Variants in MACROD2 observed in about 807,000 individuals in gnomAD.
MACROD2 encodes mono-ADP ribosylhydrolase 2.
A neutral mutation model predicts 70.4 loss-of-function variants in MACROD2; 36 were observed. The observed-to-expected ratio is 0.51, with a 90% CI of 0.39 to 0.68. The LOEUF (loss-of-function observed/expected upper bound fraction) is 0.68, where lower values mean the gene tolerates loss of function less well. Among genes scored for constraint, MACROD2 ranks in the 30% least tolerant of loss-of-function variants. MACROD2 has a pLI of 0.00. For synonymous variants in MACROD2, 172 were observed against 178.8 expected, an observed-to-expected ratio of 0.96 and a Z score of 0.30; for missense variants, 496 against 538.4, an observed-to-expected ratio of 0.92 and a Z score of 0.78.
chr20:15,586,087 A>C (rs2146657302), intron 8 of MACROD2, among the ~76,000 whole-genome samples: 1 of 152,328 alleles, frequency 6.6e-6, no homozygotes, highest in East Asian at 1.9e-4. Flanking sequence ...AATGTCAGTT[A>C]TGGCTTTTCC....
intron 8 of MACROD2, among the ~76,000 whole-genome samples, chr20:15,662,262 T>C (rs2146818486): frequency 6.6e-6 from 1 of 152,344 alleles, no homozygotes; most frequent in East Asian, 1.9e-4. Flanking sequence ...TTATTCAAGA[T>C]CTACTGTATC....
intron 5 of MACROD2, among the ~76,000 whole-genome samples, chr20:14,692,802 A>G (rs2071079265): frequency 6.6e-6 from 1 of 152,224 alleles, no homozygotes; most frequent in Non-Finnish European, 1.5e-5. Context: ...CACATGCCAC[A>G]TGTCTGTTCT....
At chr20:15,437,092 C>T (rs575469597) in intron 7 of MACROD2, among the ~76,000 whole-genome samples, 1 of 152,238 alleles carries the variant, frequency 6.6e-6, no homozygotes, top group Non-Finnish European at 1.5e-5. Context: ...AATTGGTGTG[C>T]TAAGGATGTA....
intron 8 of MACROD2, among the ~76,000 whole-genome samples, chr20:15,549,405 A>G (rs907267244): frequency 6.6e-5 from 10 of 152,238 alleles, no homozygotes; most frequent in African/African-American, 1.9e-4. Context: ...CTAAGCTGCA[A>G]GAGTTTGGAG....
At chr20:14,787,671 G>A (rs574052835) in intron 5 of MACROD2, among the ~76,000 whole-genome samples, 4 of 152,098 alleles carry the variant, frequency 2.6e-5, no homozygotes, top group African/African-American at 7.2e-5. Flanking sequence ...TTTTCATGCC[G>A]GGGAAGCCAT....
intron 5 of MACROD2, among the ~76,000 whole-genome samples, chr20:14,715,429 T>A (rs949160387): frequency 3.9e-5 from 6 of 152,192 alleles, no homozygotes; most frequent in African/African-American, 1.4e-4. Context: ...TTACTTAATT[T>A]TAAATACATT....
Position 16,035,133 on chromosome 20 carries a change from ATATTATATATT to A in MACROD2, c.1154-6067_1154-6057del, listed in dbSNP as rs1353676058. ...TATAAAATATAATATAAAATATTAT[ATATTATATATT>A]ATATATAAAATATAATATAAAATAT... On this transcript the variant is annotated intron_variant, in intron 15 of 17. Transcript: ENST00000684519. 1.3e-3 allele frequency among the ~76,000 whole-genome samples: 4 copies of A among 3,120 alleles called. No individual in the cohort carries two copies. The Admixed American group carries it at 0.048, about 37-fold the overall frequency. 2.0% of individuals were successfully genotyped at this position (3,120 alleles called of 152,430 possible).
chr20:14,878,189 G>A (rs912853102), intron 5 of MACROD2, among the ~76,000 whole-genome samples: 1 of 152,178 alleles, frequency 6.6e-6, no homozygotes, highest in Non-Finnish European at 1.5e-5. Flanking sequence ...CCAAATGTGT[G>A]TAAGCATTGA....
intron 4 of MACROD2, among the ~76,000 whole-genome samples, chr20:14,530,731 C>T (rs1042429587): frequency 6.6e-6 from 1 of 152,072 alleles, no homozygotes; most frequent in Non-Finnish European, 1.5e-5. Context: ...TGATTAAGAG[C>T]GCGGAAAAAT....
At chr20:15,767,385 T>C (rs1346533474) in intron 8 of MACROD2, among the ~76,000 whole-genome samples, 2 of 152,212 alleles carry the variant, frequency 1.3e-5, no homozygotes, top group African/African-American at 4.8e-5. Flanking sequence ...TTCCTAAAAT[T>C]TTGTATATTT....
At chr20:15,792,708 TGTTGCTTGAG>T (rs1201893434) in intron 8 of MACROD2, among the ~76,000 whole-genome samples, 17 of 152,164 alleles carry the variant, frequency 1.1e-4, no homozygotes, top group African/African-American at 3.9e-4. Flanking sequence ...GTTAATACAT[TGTTGCTTGAG>T]GTGTAAATTG....
chr20:14,027,708 G>A (rs1490855236), intron 2 of MACROD2, among the ~76,000 whole-genome samples: 1 of 152,184 alleles, frequency 6.6e-6, no homozygotes, highest in African/African-American at 2.4e-5. Flanking sequence ...GAGGTCCACT[G>A]CACACCCGGT....
At chr20:15,016,503 C>G (rs1450287078) in intron 5 of MACROD2, among the ~76,000 whole-genome samples, 5 of 152,052 alleles carry the variant, frequency 3.3e-5, no homozygotes, top group African/African-American at 1.2e-4. Flanking sequence ...GGGCAGATCC[C>G]TCAAGATGGC....
intron 5 of MACROD2, among the ~76,000 whole-genome samples, chr20:14,811,906 A>G (rs79360741): frequency 6.6e-6 from 1 of 152,102 alleles, no homozygotes; most frequent in African/African-American, 2.4e-5. Flanking sequence ...TAGAATGGCG[A>G]TCATTAAAAA....
intron 11 of MACROD2, among the ~76,000 whole-genome samples, chr20:15,934,988 C>A (rs886467125): frequency 7.4e-6 from 1 of 134,446 alleles, no homozygotes; most frequent in Non-Finnish European, 1.6e-5. Context: ...CACACCCAGG[C>A]CCAAAGTGTC....
intron 8 of MACROD2, among the ~76,000 whole-genome samples, chr20:15,519,822 C>T (rs920757030): frequency 2.0e-5 from 3 of 152,148 alleles, no homozygotes; most frequent in African/African-American, 7.2e-5. Context: ...TGGAGAAAGC[C>T]ATTCTTGGAG....
At chr20:14,938,662 T>A (rs1005424343) in intron 5 of MACROD2, among the ~76,000 whole-genome samples, 1 of 152,038 alleles carries the variant, frequency 6.6e-6, no homozygotes, top group Non-Finnish European at 1.5e-5. Context: ...GTGCCTGTAA[T>A]CCCAGCTACT....
intron 5 of MACROD2, among the ~76,000 whole-genome samples, chr20:14,946,271 A>G (rs760272295): frequency 6.6e-6 from 1 of 152,140 alleles, no homozygotes; most frequent in Non-Finnish European, 1.5e-5. Flanking sequence ...ATCTTTTTCC[A>G]AGTAAGCAAA....
At chr20:14,050,544 A>G (rs2053552078) in intron 2 of MACROD2, among the ~76,000 whole-genome samples, 1 of 152,166 alleles carries the variant, frequency 6.6e-6, no homozygotes, top group East Asian at 1.9e-4. Flanking sequence ...CCAGTTAGAT[A>G]GTTCTGGAAC....
Sources: gnomAD v4.1 joint callset for allele counts (sites outside exome capture counted in the v4.1 genomes callset) on GRCh38, gnomAD v4.1.1 for gene constraint, MANE v1.5 for transcripts, NCBI Gene and HGNC (gene_info 2026-07-23, HGNC 2026-07-21) for gene names.